Variants in RBMXL2 observed in about 807,000 individuals in gnomAD.
The protein encoded by RBMXL2 is RNA-binding motif protein, X-linked-like-2.
Under a neutral mutation model 1.0 loss-of-function variants are expected in RBMXL2, and 2 were observed. That is an observed-to-expected ratio of 2.05 (90% CI 0.84 to 6.44). The LOEUF is 6.44. Among genes scored for constraint, RBMXL2 ranks in the 30% most tolerant of loss-of-function variants. The pLI, the probability that RBMXL2 is intolerant of heterozygous loss-of-function variation, is 0.05. For missense variants in RBMXL2, 658 were observed against 608.5 expected (o/e 1.08, Z -0.85); for synonymous variants, 313 against 267.9 (o/e 1.17, Z -1.64).
rs1387848815 is a variant in RBMXL2, at chr11:7,089,469, G to A, written c.349G>A (p.Gly117Ser). 7.8e-7 allele frequency: 1 copy of A among 1,274,644 alleles called. No individual in the cohort carries two copies. Among genetic ancestry groups the A allele is most frequent in the Non-Finnish European group, 9.9e-7 (1 of 1,008,606 alleles). 79.0% of individuals were successfully genotyped at this position (1,274,644 alleles called of 1,614,324 possible). ...GCGCGGAACCCGCGGGGGTGGCGGC[G>A]GCCCGCGGCGTTCCCCATCCCGGGG... ...FLRGTRGGGGGPRRSPSRGGP... is the reference protein window; with the variant it reads ...FLRGTRGGGGSPRRSPSRGGP... The change falls in exon 1 of 1, where the codon GGC becomes AGC. Residue 117 changes from glycine (G) to serine (S), a missense_variant. Physicochemically the swap from Gly to Ser is moderately conservative, Grantham distance 56 (BLOSUM62 0). Coordinates refer to ENST00000306904, the MANE Select transcript of RBMXL2 (RefSeq NM_014469.5).
Position 7,089,019 on chromosome 11 carries a change from C to T in RBMXL2, c.-102C>T. On this transcript the variant is annotated 5_prime_UTR_variant, in exon 1 of 1. Coordinates refer to ENST00000306904, the MANE Select transcript of RBMXL2 (RefSeq NM_014469.5). ...CCGTGGACTCGGCGACTAGGCGCCG[C>T]CTGACCAGTAGGAGCCGCCCTCGAC... The T allele has an allele frequency of 7.2e-7, 1 of 1,397,050 alleles. No homozygotes were observed. The highest frequency in any genetic ancestry group is 9.9e-7 in the Non-Finnish European group (1 of 1,007,744). The allele number at this position is 1,397,050 out of a possible 1,614,324, so 86.5% of individuals were successfully genotyped here.
In RBMXL2 at chr11:7,089,498, G is replaced by C. The variant is rs755553539; in HGVS notation, c.378G>C (p.Gly126=). 1 of 1,233,424 alleles carries C rather than the reference G, an allele frequency of 8.1e-7. No individual in the cohort carries two copies. 76.4% of individuals were successfully genotyped at this position (1,233,424 alleles called of 1,614,324 possible). A position where few individuals can be genotyped will look rare whatever the true frequency, so the allele number is the denominator to read the frequency against. Residue 126 remains glycine, a synonymous_variant, in exon 1 of 1, where the codon GGG becomes GGC. Transcript: ENST00000306904. ...CGCGGCGTTCCCCATCCCGGGGCGG[G>C]CCCGATGATGACGGCGGCTACACGG... ...GGPRRSPSRG[G]PDDDGGYTAD...
Position 7,089,927 on chromosome 11 carries a change from C to T in RBMXL2, c.807C>T (p.Asp269=), listed in dbSNP as rs753824653. 7 of 1,612,890 alleles carry T rather than the reference C, an allele frequency of 4.3e-6. No individual in the cohort carries two copies. In the Admixed American group the frequency reaches 5.0e-5, roughly 12 times the overall value. Reference sequence around the variant, plus strand: ...ACGGCTACGGAGGTCGCGACCGTGACTACGGGGATCATCTGAGCAGAGGCT... The same window carrying T: ...ACGGCTACGGAGGTCGCGACCGTGATTACGGGGATCATCTGAGCAGAGGCT... ...DRDGYGGRDR[D]YGDHLSRGSH... Residue 269 remains aspartate, a synonymous_variant, in exon 1 of 1, where the codon GAC becomes GAT. Coordinates refer to ENST00000306904, the MANE Select transcript of RBMXL2 (RefSeq NM_014469.5).
At position 7,089,282 on chromosome 11, in the gene RBMXL2, C is replaced by T. The variant is rs568222132; in HGVS notation, c.162C>T (p.Val54=). Reference sequence around the variant, plus strand: ...ACAAGTCGAGGGGCTTCGCGTTCGTCACCTTTGAAAGCCCCGCAGACGCCA... The same window carrying T: ...ACAAGTCGAGGGGCTTCGCGTTCGTTACCTTTGAAAGCCCCGCAGACGCCA... The part of the protein sequence containing the change: ...ETNKSRGFAF[V]TFESPADAKA... The change falls in exon 1 of 1, where the codon GTC becomes GTT. Residue 54 remains valine (V), a synonymous_variant. Coordinates refer to ENST00000306904, the MANE Select transcript of RBMXL2 (RefSeq NM_014469.5). 3 of 1,608,690 alleles carry T rather than the reference C, an allele frequency of 1.9e-6. No individual in the cohort carries two copies. Among genetic ancestry groups the T allele is most frequent in the East Asian group, 2.2e-5 (1 of 44,600 alleles).
In RBMXL2 at chr11:7,089,951, C is replaced by T. The variant is rs1195622525; in HGVS notation, c.831C>T (p.Gly277=). Residue 277 remains glycine, a synonymous_variant, in exon 1 of 1, where the codon GGC becomes GGT. Coordinates refer to ENST00000306904, the MANE Select transcript of RBMXL2 (RefSeq NM_014469.5). ...DRDYGDHLSR[G]SHREPFESYG... ...ACTACGGGGATCATCTGAGCAGAGG[C>T]TCCCATCGAGAGCCCTTTGAGAGCT... 4.3e-6 allele frequency: 7 copies of T among 1,612,988 alleles called. No homozygotes were observed. The highest frequency in any genetic ancestry group is 5.9e-6 in the Non-Finnish European group (7 of 1,180,026).
rs1236967279 is a variant in RBMXL2, at chr11:7,089,636, C to T, written c.516C>T (p.Ser172=). ...CCGCGCCGTCGGGCCCGGCTCGCAG[C>T]AGCGGCGGTGGAATGCGCGGGAGGG... ...KRAAPSGPAR[S]SGGGMRGRAL... Residue 172 remains serine (S), a synonymous_variant, in exon 1 of 1, where the codon AGC becomes AGT. Transcript: ENST00000306904. 11 of 1,290,542 alleles carry T rather than the reference C, an allele frequency of 8.5e-6. No individual in the cohort carries two copies. Among genetic ancestry groups the T allele is most frequent in the East Asian group, 3.4e-5 (1 of 29,570 alleles). 79.9% of individuals were successfully genotyped at this position (1,290,542 alleles called of 1,614,324 possible).
chr11:7,089,626 C>A lies in RBMXL2; in HGVS notation c.506C>A (p.Pro169Gln). 1 of 1,248,218 alleles carries A rather than the reference C, an allele frequency of 8.0e-7. No homozygotes were observed. Among genetic ancestry groups the A allele is most frequent in the Non-Finnish European group, 1.0e-6 (1 of 996,714 alleles). The allele number at this position is 1,248,218 out of a possible 1,614,324, so 77.3% of individuals were successfully genotyped here. A position where few individuals can be genotyped will look rare whatever the true frequency, so the allele number is the denominator to read the frequency against. Reference sequence around the variant, plus strand: ...CCCAAGAGGGCCGCGCCGTCGGGCCCGGCTCGCAGCAGCGGCGGTGGAATG... The same window carrying A: ...CCCAAGAGGGCCGCGCCGTCGGGCCAGGCTCGCAGCAGCGGCGGTGGAATG... ...PPPKRAAPSG[P>Q]ARSSGGGMRG... Residue 169 changes from proline to glutamine, a missense_variant, in exon 1 of 1, where the codon CCG becomes CAG. Transcript: ENST00000306904.
In RBMXL2 at chr11:7,089,837, C is replaced by T. The variant is rs761113389; in HGVS notation, c.717C>T (p.Thr239=). The change falls in exon 1 of 1, where the codon ACC becomes ACT. Residue 239 remains threonine, a synonymous_variant. Coordinates refer to ENST00000306904, the MANE Select transcript of RBMXL2 (RefSeq NM_014469.5). ...RGFAPSPGEY[T]HRDYGHSSVR... ...TTGCCCCCTCGCCCGGAGAGTACAC[C>T]CACCGCGATTACGGCCACTCCAGTG... 1 of 1,611,216 alleles carries T rather than the reference C, an allele frequency of 6.2e-7. No homozygotes were observed. The highest frequency in any genetic ancestry group is 1.7e-5 in the Admixed American group (1 of 60,002).
chr11:7,091,125 C>T lies in RBMXL2; in HGVS notation c.*826C>T, dbSNP rs952466410. Among the ~76,000 whole-genome samples the T allele has an allele frequency of 2.0e-5, 3 of 152,202 alleles. No individual in the cohort carries two copies. Among genetic ancestry groups the T allele is most frequent in the African/African-American group, 7.2e-5 (3 of 41,456 alleles). On this transcript the variant is annotated 3_prime_UTR_variant, in exon 1 of 1. Coordinates refer to ENST00000306904, the MANE Select transcript of RBMXL2 (RefSeq NM_014469.5). Reference sequence around the variant, plus strand: ...AACAAGTAGAAAATAAATCAGTGGTCGACTTGGGGACCGTAATGGCTTCCA... The same window carrying T: ...AACAAGTAGAAAATAAATCAGTGGTTGACTTGGGGACCGTAATGGCTTCCA...
In RBMXL2 at chr11:7,090,606, C is replaced by A; in HGVS notation, c.*307C>A. ...AATGGCTTCTTCCCTTGTAAATTTTCTTGATAAATGAGGCAAACAGTTCTA... is the reference window on the plus strand; with the variant it reads ...AATGGCTTCTTCCCTTGTAAATTTTATTGATAAATGAGGCAAACAGTTCTA... On this transcript the variant is annotated 3_prime_UTR_variant, in exon 1 of 1. Transcript: ENST00000306904. The A allele has an allele frequency of 2.4e-6, 1 of 420,276 alleles. No homozygotes were observed. The highest frequency in any genetic ancestry group is 2.3e-5 in the South Asian group (1 of 43,682). 26.0% of individuals were successfully genotyped at this position (420,276 alleles called of 1,614,324 possible).
In RBMXL2 at chr11:7,089,095, A is replaced by G; in HGVS notation, c.-26A>G. ...CGCCGCCTCACCGCCTCCCACCGCC[A>G]CTGACCGACCGTTCGACCGGCAAAC... On this transcript the variant is annotated 5_prime_UTR_variant, in exon 1 of 1. Transcript: ENST00000306904. 2 of 1,607,246 alleles carry G rather than the reference A, an allele frequency of 1.2e-6. No individual in the cohort carries two copies. The highest frequency in any genetic ancestry group is 1.7e-6 in the Non-Finnish European group (2 of 1,176,290).
At position 7,089,555 on chromosome 11, in the gene RBMXL2, G is replaced by A. The variant is rs1016302584; in HGVS notation, c.435G>A (p.Pro145=). Reference sequence around the variant, plus strand: ...TCGACCTGCGGCCCTCCAGGGCCCCGATGCCCATGAAGCGTGGGCCGCCGC... The same window carrying A: ...TCGACCTGCGGCCCTCCAGGGCCCCAATGCCCATGAAGCGTGGGCCGCCGC... ...ADFDLRPSRA[P]MPMKRGPPPR... Residue 145 remains proline (P), a synonymous_variant, in exon 1 of 1, where the codon CCG becomes CCA. Transcript: ENST00000306904. 1 of 1,199,618 alleles carries A rather than the reference G, an allele frequency of 8.3e-7. No individual in the cohort carries two copies. The highest frequency in any genetic ancestry group is 1.0e-6 in the Non-Finnish European group (1 of 967,304). 74.3% of individuals were successfully genotyped at this position (1,199,618 alleles called of 1,614,324 possible).
Position 7,090,536 on chromosome 11 carries a change from A to G in RBMXL2, c.*237A>G. On this transcript the variant is annotated 3_prime_UTR_variant, in exon 1 of 1. Transcript: ENST00000306904. ...AACAAGCTCCTGTTAAAAGTATATG[A>G]ACCTGAGTACTAGTCTTCTTACATT... 1 of 585,128 alleles carries G rather than the reference A, an allele frequency of 1.7e-6. No individual in the cohort carries two copies. The highest frequency in any genetic ancestry group is 3.1e-6 in the Non-Finnish European group (1 of 323,468). The allele number at this position is 585,128 out of a possible 1,614,324, so 36.2% of individuals were successfully genotyped here.
rs1056057179 is a variant in RBMXL2 at position 7,089,089 on chromosome 11, A to G, written c.-32A>G. The G allele has an allele frequency of 3.1e-6, 5 of 1,602,642 alleles. No individual in the cohort carries two copies. The highest frequency in any genetic ancestry group is 4.3e-6 in the Non-Finnish European group (5 of 1,173,610). On this transcript the variant is annotated 5_prime_UTR_variant, in exon 1 of 1. Transcript: ENST00000306904. ...GACTGGCGCCGCCTCACCGCCTCCC[A>G]CCGCCACTGACCGACCGTTCGACCG...
At position 7,089,806 on chromosome 11, in the gene RBMXL2, G is replaced by C; in HGVS notation, c.686G>C (p.Arg229Pro). The C allele has an allele frequency of 1.2e-6, 2 of 1,605,756 alleles. No homozygotes were observed. The highest frequency in any genetic ancestry group is 1.7e-6 in the Non-Finnish European group (2 of 1,179,268). The change falls in exon 1 of 1, where the codon CGG (arginine) becomes CCG (proline). Residue 229 changes from arginine (R) to proline (P), a missense_variant. Transcript: ENST00000306904. ...TCGAGCCGAGACTACCGCGAACCCC[G>C]GGGTTTTGCCCCCTCGCCCGGAGAG... Reference protein sequence around the residue: ...GYSSRDYREPRGFAPSPGEYT... With the variant: ...GYSSRDYREPPGFAPSPGEYT...
Position 7,090,309 on chromosome 11 carries a change from G to GAT in RBMXL2, c.*11_*12insTA. ...CCGGAGCAGATACTAAGCAGGAACA[G>GAT]ACTTGGGACCAAAAATCCCTTTTCA... On this transcript the variant is annotated 3_prime_UTR_variant, in exon 1 of 1. Coordinates refer to ENST00000306904, the MANE Select transcript of RBMXL2 (RefSeq NM_014469.5). 1 of 1,582,982 alleles carries GAT rather than the reference G, an allele frequency of 6.3e-7. No individual in the cohort carries two copies. Among genetic ancestry groups the GAT allele is most frequent in the East Asian group, 2.3e-5 (1 of 43,810 alleles).
In RBMXL2 at chr11:7,090,302, A is replaced by T; in HGVS notation, c.*3A>T. 1 of 1,590,384 alleles carries T rather than the reference A, an allele frequency of 6.3e-7. No individual in the cohort carries two copies. ...GAGGAGGCCGGAGCAGATACTAAGCAGGAACAGACTTGGGACCAAAAATCC... is the reference window on the plus strand; with the variant it reads ...GAGGAGGCCGGAGCAGATACTAAGCTGGAACAGACTTGGGACCAAAAATCC... On this transcript the variant is annotated 3_prime_UTR_variant, in exon 1 of 1. Coordinates refer to ENST00000306904, the MANE Select transcript of RBMXL2 (RefSeq NM_014469.5).
In RBMXL2 at chr11:7,089,114, G is replaced by A. The variant is rs549320457; in HGVS notation, c.-7G>A. ...ACCGCCACTGACCGACCGTTCGACC[G>A]GCAAACATGGTTGAAGCGGATCGCC... On this transcript the variant is annotated 5_prime_UTR_variant, in exon 1 of 1. Coordinates refer to ENST00000306904, the MANE Select transcript of RBMXL2 (RefSeq NM_014469.5). 1.9e-6 allele frequency: 3 copies of A among 1,612,872 alleles called. No homozygotes were observed. The highest frequency in any genetic ancestry group is 1.7e-4 in the Middle Eastern group (1 of 6,058).
At position 7,089,210 on chromosome 11, in the gene RBMXL2, G is replaced by A. The variant is rs1479570069; in HGVS notation, c.90G>A (p.Lys30=). 1.2e-6 allele frequency: 2 copies of A among 1,613,632 alleles called. No homozygotes were observed. Among genetic ancestry groups the A allele is most frequent in the Non-Finnish European group, 1.7e-6 (2 of 1,179,820 alleles). Residue 30 remains lysine, a synonymous_variant, in exon 1 of 1, where the codon AAG becomes AAA. Transcript: ENST00000306904. ...AAGCCCTCGAAGCCGAGTTTGGCAAGTATGGCCGCATCGTCGAGGTGCTCC... is the reference window on the plus strand; with the variant it reads ...AAGCCCTCGAAGCCGAGTTTGGCAAATATGGCCGCATCGTCGAGGTGCTCC... The part of the protein sequence containing the change: ...DEKALEAEFG[K]YGRIVEVLLM...
Sources: gnomAD v4.1 joint callset for allele counts (sites outside exome capture counted in the v4.1 genomes callset) on GRCh38, gnomAD v4.1.1 for gene constraint, MANE v1.5 for transcripts, NCBI Gene and HGNC (gene_info 2026-07-23, HGNC 2026-07-21) for gene names.